Variants in CACNA2D3 observed in about 807,000 individuals in gnomAD.
CACNA2D3 encodes calcium voltage-gated channel auxiliary subunit alpha2delta 3.
In CACNA2D3, 60 loss-of-function variants were observed where a neutral mutation model predicts 160.6. That is an observed-to-expected ratio of 0.37 (90% confidence interval 0.30 to 0.46). The LOEUF (loss-of-function observed/expected upper bound fraction) is 0.46, where lower values mean the gene tolerates loss of function less well. CACNA2D3 is among the 20% of genes least tolerant of loss of function. CACNA2D3 has a pLI of 1.00. For missense variants in CACNA2D3, 1,205 were observed against 1,365.0 expected (o/e 0.88, Z 1.85); for synonymous variants, 558 against 492.9 (o/e 1.13, Z -1.75).
intron 31 of CACNA2D3, among the ~76,000 whole-genome samples, chr3:54,994,891 A>G (rs974805257): frequency 1.3e-5 from 2 of 152,174 alleles, no homozygotes; most frequent in African/African-American, 4.8e-5. Flanking sequence ...GCAGACTAGC[A>G]TATCTTCTGC....
At chr3:55,038,864 CTA>C (rs10576329) in intron 35 of CACNA2D3, among the ~76,000 whole-genome samples, 2,784 of 98,484 alleles carry the variant, frequency 0.028, 20 homozygotes, top group East Asian at 0.053. Context: ...AGCCAGGATG[CTA>C]TATATATATA....
At chr3:54,496,705 A>G (rs1021388554) in intron 4 of CACNA2D3, among the ~76,000 whole-genome samples, 1 of 152,170 alleles carries the variant, frequency 6.6e-6, no homozygotes, top group South Asian at 2.1e-4. Context: ...TAAGAAATCA[A>G]CGCCTACCTG....
chr3:55,036,718 G>A (rs1305011099), intron 35 of CACNA2D3, among the ~76,000 whole-genome samples: 4 of 151,844 alleles, frequency 2.6e-5, no homozygotes, highest in Non-Finnish European at 5.9e-5. Flanking sequence ...CACCCACCTC[G>A]GCTTCCCAAA....
intron 14 of CACNA2D3, among the ~76,000 whole-genome samples, chr3:54,832,526 G>A (rs187175170): frequency 6.6e-6 from 1 of 152,340 alleles, no homozygotes; most frequent in East Asian, 1.9e-4. Context: ...GCAATGGAAT[G>A]AAATCACTCT....
intron 11 of CACNA2D3, among the ~76,000 whole-genome samples, chr3:54,706,024 T>C (rs1033652731): frequency 1.3e-5 from 2 of 152,204 alleles, no homozygotes; most frequent in African/African-American, 4.8e-5. Context: ...CTAGCCCATA[T>C]GTTTTAAGAA....
At chr3:54,809,623 C>CTTCT (rs138945901) in intron 13 of CACNA2D3, among the ~76,000 whole-genome samples, 3,701 of 148,504 alleles carry the variant, frequency 0.025, 294 homozygotes, top group African/African-American at 0.08. Flanking sequence ...CGGCCCCTTC[C>CTTCT]TTCTTTCTTT....
At chr3:54,542,749 C>T (rs1702001048) in intron 5 of CACNA2D3, among the ~76,000 whole-genome samples, 1 of 152,120 alleles carries the variant, frequency 6.6e-6, no homozygotes, top group African/African-American at 2.4e-5. Context: ...GGGTCTGCCT[C>T]TCCCAGCCCA....
At chr3:54,545,421 GTA>G (rs1441084431) in intron 5 of CACNA2D3, among the ~76,000 whole-genome samples, 1 of 152,152 alleles carries the variant, frequency 6.6e-6, no homozygotes, top group Admixed American at 6.5e-5. Context: ...TGTTAAATAT[GTA>G]TGGCTTGCTT....
intron 11 of CACNA2D3, among the ~76,000 whole-genome samples, chr3:54,683,261 G>A (rs1271256872): frequency 6.6e-6 from 1 of 152,190 alleles, no homozygotes; most frequent in Non-Finnish European, 1.5e-5. Flanking sequence ...CCCACAGATA[G>A]AGGTGTGAGT....
intron 8 of CACNA2D3, 35 bp downstream of exon 8, chr3:54,570,139 G>A: frequency 6.2e-7 from 1 of 1,601,224 alleles, no homozygotes; most frequent in Non-Finnish European, 8.5e-7. Flanking sequence ...TTTGCACTTG[G>A]GTTCATTTGA....
intron 1 of CACNA2D3, among the ~76,000 whole-genome samples, chr3:54,123,163 G>A (rs56238522): frequency 7.3e-6 from 1 of 136,816 alleles, no homozygotes; most frequent in African/African-American, 2.5e-5. Context: ...CTTTTTTTGG[G>A]GGGGGGATGG....
chr3:54,478,554 C>T, intron 4 of CACNA2D3, among the ~76,000 whole-genome samples: 1 of 146,162 alleles, frequency 6.8e-6, no homozygotes, highest in East Asian at 2.0e-4. Flanking sequence ...ATGGTGTGAA[C>T]CTGGGAGGCG....
chr3:54,973,452 C>T (rs533871638), intron 29 of CACNA2D3, among the ~76,000 whole-genome samples: 48 of 152,272 alleles, frequency 3.2e-4, no homozygotes, highest in Admixed American at 6.5e-4. Context: ...GCGAGAGAAT[C>T]GAAAACTTCA....
intron 17 of CACNA2D3, among the ~76,000 whole-genome samples, chr3:54,855,089 G>A (rs1261033786): frequency 6.6e-6 from 1 of 152,194 alleles, no homozygotes; most frequent in African/African-American, 2.4e-5. Flanking sequence ...AGCCTCTCCA[G>A]ACAGCATCCC....
intron 4 of CACNA2D3, among the ~76,000 whole-genome samples, chr3:54,422,939 A>G (rs1699860529): frequency 6.6e-6 from 1 of 152,218 alleles, no homozygotes; most frequent in Non-Finnish European, 1.5e-5. Context: ...ACTGTGGCCT[A>G]TCCGTGGAAT....
chr3:54,631,627 TTC>T (rs1277171113), intron 10 of CACNA2D3, among the ~76,000 whole-genome samples: 4 of 152,240 alleles, frequency 2.6e-5, no homozygotes, highest in African/African-American at 4.8e-5. Flanking sequence ...ATGGAGTTTA[TTC>T]TGTTTTACAG....
At chr3:54,172,227 AAGGTGT>A (rs1700587417) in intron 2 of CACNA2D3, among the ~76,000 whole-genome samples, 1 of 152,174 alleles carries the variant, frequency 6.6e-6, no homozygotes, top group African/African-American at 2.4e-5. Context: ...TCCACATTGA[AAGGTGT>A]TCATTTGATT....
At chr3:54,522,329 G>T (rs1701658368) in intron 5 of CACNA2D3, among the ~76,000 whole-genome samples, 1 of 151,664 alleles carries the variant, frequency 6.6e-6, no homozygotes, top group South Asian at 2.1e-4. Flanking sequence ...TTCATTGTTG[G>T]GTTGTTATGG....
At chr3:54,813,038 C>T (rs1703360262) in intron 13 of CACNA2D3, among the ~76,000 whole-genome samples, 1 of 152,216 alleles carries the variant, frequency 6.6e-6, no homozygotes, top group Non-Finnish European at 1.5e-5. Context: ...TCTGAATACA[C>T]ATTCTCCATG....
Sources: allele counts gnomAD v4.1 joint callset (sites outside exome capture counted in the v4.1 genomes callset), GRCh38; gene constraint gnomAD v4.1.1; transcripts MANE v1.5; gene names NCBI Gene and HGNC (gene_info 2026-07-23, HGNC 2026-07-21).